GTF2IRD1: variants seen among roughly 807,000 people sequenced by gnomAD.
GTF2IRD1 encodes the protein general transcription factor II-I repeat domain-containing protein 1.
In GTF2IRD1, 26 loss-of-function variants were observed where a neutral mutation model predicts 113.2. The observed-to-expected ratio is 0.23, with a 90% CI of 0.17 to 0.32. The LOEUF (loss-of-function observed/expected upper bound fraction) is 0.32, where lower values mean the gene tolerates loss of function less well. GTF2IRD1 is among the 10% of genes least tolerant of loss of function. GTF2IRD1 has a pLI of 1.00. For missense variants in GTF2IRD1, 864 were observed against 1,280.8 expected (o/e 0.67, Z 4.97); for synonymous variants, 484 against 529.1 (o/e 0.91, Z 1.17).
chr7:74,476,660 T>G (rs1554333602), intron 1 of GTF2IRD1, among the ~76,000 whole-genome samples: 1 of 152,006 alleles, frequency 6.6e-6, no homozygotes, highest in East Asian at 1.9e-4. Context: ...CTCTCCTGCC[T>G]CTAGCCTTTG....
chr7:74,555,649 G>A lies in GTF2IRD1; in HGVS notation c.2023+155G>A, dbSNP rs1387932556. Among the ~76,000 whole-genome samples the A allele has an allele frequency of 1.3e-5, 2 of 152,328 alleles. No homozygotes were observed. Among genetic ancestry groups the A allele is most frequent in the East Asian group, 3.9e-4 (2 of 5,182 alleles). ...CCAGGTTGGCAGCCCAGGCCCGGCT[G>A]TACCCTGCCAGCTCTGTGTTAGAGA... On this transcript the variant is annotated intron_variant, in intron 19 of 26. Transcript: ENST00000424337. The surrounding 1 kb of genome is among the most constrained non-coding windows in gnomAD (Gnocchi z 5.3).
intron 1 of GTF2IRD1, among the ~76,000 whole-genome samples, chr7:74,471,100 C>T (rs550798661): frequency 6.6e-6 from 1 of 152,268 alleles, no homozygotes; most frequent in African/African-American, 2.4e-5. Context: ...CCACCGTGCC[C>T]GGCCTCTGGT....
intron 1 of GTF2IRD1, among the ~76,000 whole-genome samples, chr7:74,481,846 A>C (rs1410570394): frequency 1.3e-5 from 2 of 152,252 alleles, no homozygotes; most frequent in East Asian, 3.8e-4. Flanking sequence ...GTGGGAACAG[A>C]GTTAAAATTG....
intron 1 of GTF2IRD1, among the ~76,000 whole-genome samples, chr7:74,456,781 G>C (rs1381996852): frequency 6.6e-6 from 1 of 151,992 alleles, no homozygotes; most frequent in Admixed American, 6.6e-5. Flanking sequence ...CTCTTCTCTC[G>C]AAGGTTCTTC....
intron 26 of GTF2IRD1, 45 bp from the exon 27 acceptor site, chr7:74,602,320 G>A (rs782318673): frequency 9.4e-6 from 15 of 1,593,788 alleles, no homozygotes; most frequent in East Asian, 2.2e-5. Flanking sequence ...GGTTTGTTCC[G>A]CATCACCTGG....
rs562952756 is a variant in GTF2IRD1, at chr7:74,458,925, C to T, written c.-7+4749C>T. On this transcript the variant is annotated intron_variant, in intron 1 of 26. Coordinates refer to ENST00000424337, the MANE Select transcript of GTF2IRD1 (RefSeq NM_005685.4). Reference sequence around the variant, plus strand: ...TGGCCCTCCTTGGCCTCCCAAAGTGCTGGGATTACAGGTGTGAGCCCCCAG... The same window carrying T: ...TGGCCCTCCTTGGCCTCCCAAAGTGTTGGGATTACAGGTGTGAGCCCCCAG... Among the ~76,000 whole-genome samples, 6 of 105,070 alleles carry T rather than the reference C, an allele frequency of 5.7e-5. No individual in the cohort carries two copies. The South Asian group carries it at 9.8e-4, about 17-fold the overall frequency. The allele number at this position is 105,070 out of a possible 152,430, so 68.9% of individuals were successfully genotyped here.
chr7:74,555,300 C>G lies in GTF2IRD1; in HGVS notation c.1966+77C>G. ...CAGGCCTCTGCCACCAGCCCCTCCTCCTGCTGCCTCTGTCCTGCTCCCATC... is the reference window on the plus strand; with the variant it reads ...CAGGCCTCTGCCACCAGCCCCTCCTGCTGCTGCCTCTGTCCTGCTCCCATC... On this transcript the variant is annotated intron_variant, in intron 18 of 26. Transcript: ENST00000424337. The surrounding 1 kb of genome is among the most constrained non-coding windows in gnomAD (Gnocchi z 5.3). 6.7e-7 allele frequency: 1 copy of G among 1,489,520 alleles called. No individual in the cohort carries two copies. The highest frequency in any genetic ancestry group is 2.3e-5 in the East Asian group (1 of 44,012). The allele number at this position is 1,489,520 out of a possible 1,614,324, so 92.3% of individuals were successfully genotyped here.
At chr7:74,592,811 G>A (rs1554370236) in intron 24 of GTF2IRD1, among the ~76,000 whole-genome samples, 2 of 151,536 alleles carry the variant, frequency 1.3e-5, no homozygotes, top group East Asian at 1.9e-4. Flanking sequence ...GGGATTACAA[G>A]CTTGAGCCAC....
chr7:74,541,957 A>G (rs1332321896), intron 14 of GTF2IRD1, among the ~76,000 whole-genome samples: 9 of 147,744 alleles, frequency 6.1e-5, no homozygotes, highest in African/African-American at 2.2e-4. Flanking sequence ...TTAGACAGGA[A>G]CGGTAGGACC....
chr7:74,540,035 G>A, intron 14 of GTF2IRD1, 67 bp downstream of exon 14: 1 of 1,127,630 alleles, frequency 8.9e-7, no homozygotes, highest in Non-Finnish European at 1.4e-6. Flanking sequence ...GGAAAGGGGT[G>A]GGCCAGGCCG....
chr7:74,578,973 C>T (rs1357361009), intron 22 of GTF2IRD1, among the ~76,000 whole-genome samples: 8 of 147,848 alleles, frequency 5.4e-5, no homozygotes, highest in East Asian at 4.0e-4. Flanking sequence ...GGCAACAGAG[C>T]GAGATCCTGT....
chr7:74,496,199 G>A (rs969609243), intron 1 of GTF2IRD1, among the ~76,000 whole-genome samples: 13 of 151,880 alleles, frequency 8.6e-5, no homozygotes, highest in East Asian at 1.9e-4. Context: ...CTATGCGTGC[G>A]TATGTGTATG....
chr7:74,575,801 T>C (rs1370744639), intron 22 of GTF2IRD1, among the ~76,000 whole-genome samples: 1 of 151,974 alleles, frequency 6.6e-6, no homozygotes, highest in Non-Finnish European at 1.5e-5. Context: ...CCAGTCGAAG[T>C]TGGAAGCAAG....
At chr7:74,591,424 T>C (rs1583976375) in intron 24 of GTF2IRD1, among the ~76,000 whole-genome samples, 1 of 145,872 alleles carries the variant, frequency 6.9e-6, no homozygotes, top group African/African-American at 2.5e-5. Flanking sequence ...TGTCACCCAG[T>C]CTGGAGTGCA....
intron 19 of GTF2IRD1, among the ~76,000 whole-genome samples, chr7:74,556,259 AAAG>A (rs1799588117): frequency 6.6e-6 from 1 of 150,522 alleles, no homozygotes; most frequent in Admixed American, 6.6e-5. Context: ...CTCAAAAAAA[AAAG>A]AAAGAGAGAG....
chr7:74,534,776 G>A (rs782156519), intron 9 of GTF2IRD1, among the ~76,000 whole-genome samples: 1 of 151,602 alleles, frequency 6.6e-6, no homozygotes, highest in Non-Finnish European at 1.5e-5. Flanking sequence ...GGTGGTGCAC[G>A]TCTGTAGTCC....
chr7:74,568,372 G>T (rs1554361393), intron 22 of GTF2IRD1, among the ~76,000 whole-genome samples: 1 of 147,646 alleles, frequency 6.8e-6, no homozygotes, highest in African/African-American at 2.5e-5. Flanking sequence ...GAAAGGGCCG[G>T]GCGTGGTGGC....
intron 9 of GTF2IRD1, 52 bp downstream of exon 9, chr7:74,529,969 G>GGAGGCC (rs2130446202): frequency 2.8e-6 from 4 of 1,421,772 alleles, no homozygotes; most frequent in East Asian, 2.3e-5. Context: ...CAGCACTTTG[G>GGAGGCC]GAGGCCAAGG....
intron 1 of GTF2IRD1, among the ~76,000 whole-genome samples, chr7:74,472,720 C>T (rs1259586455): frequency 1.3e-5 from 2 of 152,194 alleles, no homozygotes; most frequent in South Asian, 2.1e-4. Flanking sequence ...CCACTGCCCT[C>T]CAGCCTGGGC....
Sources: gnomAD v4.1 joint callset for allele counts (sites outside exome capture counted in the v4.1 genomes callset) on GRCh38, gnomAD v4.1.1 for gene constraint, Gnocchi (gnomAD v3.1) non-coding constraint, MANE v1.5 for transcripts, NCBI Gene and HGNC (gene_info 2026-07-23, HGNC 2026-07-21) for gene names.